Variants in RAD51B observed in about 807,000 individuals in gnomAD.
RAD51B encodes DNA repair protein RAD51 homolog 2.
A neutral mutation model predicts 42.2 loss-of-function variants in RAD51B; 38 were observed. The observed-to-expected ratio is 0.90, with a 90% CI of 0.70 to 1.18. RAD51B has a LOEUF of 1.18. Among genes scored for constraint, RAD51B ranks in the 50% most tolerant of loss-of-function variants. The pLI is 0.00. For missense variants in RAD51B, 373 were observed against 400.7 expected (o/e 0.93, Z 0.59); for synonymous variants, 154 against 145.2 (o/e 1.06, Z -0.43).
At chr14:68,427,375 G>C (rs1187431860) in intron 9 of RAD51B, among the ~76,000 whole-genome samples, 1 of 152,212 alleles carries the variant, frequency 6.6e-6, no homozygotes, top group East Asian at 1.9e-4. Context: ...AAGAGCTGCT[G>C]TGAGGGTGAG....
chr14:68,535,503 A>G (rs1191390949), intron 10 of RAD51B, among the ~76,000 whole-genome samples: 1 of 151,800 alleles, frequency 6.6e-6, no homozygotes, highest in Non-Finnish European at 1.5e-5. Context: ...AAGGGCAGTC[A>G]GGTGCATTGG....
rs184895606 is a variant in RAD51B at position 68,406,986 on chromosome 14, C to T, written c.854-4438C>T. 5.8e-3 allele frequency among the ~76,000 whole-genome samples: 882 copies of T among 152,238 alleles called. 7 individuals carry two copies. Among genetic ancestry groups the T allele is most frequent in the South Asian group, 8.9e-3 (43 of 4,824 alleles). On this transcript the variant is annotated intron_variant, in intron 8 of 10. Transcript: ENST00000471583. ...TGGAAAGTCTTCAGGGGCAATAACA[C>T]GCATGAAGCTGTCATCTCCTATGAT...
At chr14:68,130,367 T>A (rs1310697507) in intron 7 of RAD51B, among the ~76,000 whole-genome samples, 1 of 152,242 alleles carries the variant, frequency 6.6e-6, no homozygotes, top group Non-Finnish European at 1.5e-5. Context: ...TTGCTGTGTT[T>A]AAAGATTGGG....
chr14:68,239,658 C>A (rs1226762520), intron 7 of RAD51B, among the ~76,000 whole-genome samples: 1 of 152,170 alleles, frequency 6.6e-6, no homozygotes, highest in African/African-American at 2.4e-5. Context: ...CCCTGTGGTA[C>A]TGCCCCAGTT....
chr14:68,041,567 T>A (rs1434496081), intron 7 of RAD51B, among the ~76,000 whole-genome samples: 1 of 152,144 alleles, frequency 6.6e-6, no homozygotes, highest in East Asian at 1.9e-4. Context: ...TACTCTCTTT[T>A]TTTTTTTTAA....
intron 8 of RAD51B, among the ~76,000 whole-genome samples, chr14:68,367,196 C>G (rs2083159836): frequency 6.6e-6 from 1 of 152,176 alleles, no homozygotes; most frequent in Non-Finnish European, 1.5e-5. Flanking sequence ...TCAAAATGGC[C>G]ACTTAATAAA....
intron 7 of RAD51B, among the ~76,000 whole-genome samples, chr14:68,188,887 A>G (rs1476657927): frequency 6.6e-6 from 1 of 152,056 alleles, no homozygotes; most frequent in Non-Finnish European, 1.5e-5. Context: ...TGTGTTTTGC[A>G]TCGACTTTTC....
chr14:67,901,890 G>A (rs2043626639), intron 7 of RAD51B, among the ~76,000 whole-genome samples: 1 of 151,984 alleles, frequency 6.6e-6, no homozygotes, highest in South Asian at 2.1e-4. Context: ...ATGATAGACA[G>A]TGGAGACTGG....
chr14:68,581,693 C>T (rs1890214897), intron 10 of RAD51B, among the ~76,000 whole-genome samples: 2 of 152,126 alleles, frequency 1.3e-5, no homozygotes, highest in African/African-American at 4.8e-5. Flanking sequence ...AGAGCCCGTG[C>T]AGCCAAGACA....
At chr14:68,654,074 G>C (rs918747548) in intron 11 of RAD51B, among the ~76,000 whole-genome samples, 2 of 152,276 alleles carry the variant, frequency 1.3e-5, no homozygotes, top group African/African-American at 4.8e-5. Context: ...GCATGACGAA[G>C]AGAGGAAGCT....
chr14:68,551,504 C>G (rs568866260), intron 10 of RAD51B, among the ~76,000 whole-genome samples: 16 of 152,314 alleles, frequency 1.1e-4, no homozygotes, highest in Non-Finnish European at 2.1e-4. Flanking sequence ...AGGATTCCCC[C>G]CTTCCCAAGA....
chr14:68,030,108 C>T (rs1258830075), intron 7 of RAD51B, among the ~76,000 whole-genome samples: 1 of 152,182 alleles, frequency 6.6e-6, no homozygotes, highest in Admixed American at 6.5e-5. Flanking sequence ...TTCCAGTGCA[C>T]AGGCAGAGTA....
At chr14:68,334,415 C>G (rs1202668175) in intron 8 of RAD51B, among the ~76,000 whole-genome samples, 1 of 152,106 alleles carries the variant, frequency 6.6e-6, no homozygotes, top group African/African-American at 2.4e-5. Context: ...TTGTAAAATT[C>G]TTCACCCATA....
chr14:68,260,171 C>T (rs917285824), intron 7 of RAD51B, among the ~76,000 whole-genome samples: 23 of 151,742 alleles, frequency 1.5e-4, no homozygotes, highest in Non-Finnish European at 3.1e-4. Context: ...AGAAGCATCC[C>T]CATGGGTCTT....
intron 7 of RAD51B, among the ~76,000 whole-genome samples, chr14:68,030,167 C>T (rs1160603135): frequency 6.6e-6 from 1 of 152,122 alleles, no homozygotes. Flanking sequence ...GACAAATGAG[C>T]ATTGGTTTCA....
chr14:67,908,049 A>G (rs183079232), intron 7 of RAD51B, among the ~76,000 whole-genome samples: 350 of 152,338 alleles, frequency 2.3e-3, no homozygotes, highest in Admixed American at 4.5e-3. Flanking sequence ...TGTGTGGAAA[A>G]AAATACCTAT....
At chr14:67,855,375 T>C (rs975409043) in intron 4 of RAD51B, among the ~76,000 whole-genome samples, 1 of 150,498 alleles carries the variant, frequency 6.6e-6, no homozygotes, top group Non-Finnish European at 1.5e-5. Context: ...GGATTACAGG[T>C]GCCCGCCACC....
At chr14:68,168,120 G>C (rs1196831393) in intron 7 of RAD51B, among the ~76,000 whole-genome samples, 1 of 152,072 alleles carries the variant, frequency 6.6e-6, no homozygotes, top group Non-Finnish European at 1.5e-5. Flanking sequence ...ACTCCTTGGG[G>C]TGGGCCACAT....
At chr14:68,222,705 G>C (rs2079955072) in intron 7 of RAD51B, among the ~76,000 whole-genome samples, 1 of 152,124 alleles carries the variant, frequency 6.6e-6, no homozygotes, top group African/African-American at 2.4e-5. Flanking sequence ...ATTAATGTTT[G>C]TGTTATTCAA....
Sources: gnomAD v4.1 joint callset for allele counts (sites outside exome capture counted in the v4.1 genomes callset) on GRCh38, gnomAD v4.1.1 for gene constraint, MANE v1.5 for transcripts, NCBI Gene and HGNC (gene_info 2026-07-23, HGNC 2026-07-21) for gene names.